ATAD2B: variants seen among roughly 807,000 people sequenced by gnomAD.
ATAD2B encodes the protein ATPase family AAA domain-containing protein 2B.
A neutral mutation model predicts 167.6 loss-of-function variants in ATAD2B; 40 were observed. The ratio of observed to expected loss-of-function variants is 0.24; its 90% CI spans 0.19 to 0.31. The LOEUF is 0.31. Ranked by LOEUF, ATAD2B falls within the 10% of genes least tolerant of loss-of-function variation. The pLI is 1.00. For synonymous variants in ATAD2B, 579 were observed against 596.5 expected, an observed-to-expected ratio of 0.97 and a Z score of 0.43; for missense variants, 1,242 against 1,757.2, an observed-to-expected ratio of 0.71 and a Z score of 5.24.
chr2:23,912,316 G>A (rs994653840), intron 1 of ATAD2B, among the ~76,000 whole-genome samples: 1 of 152,048 alleles, frequency 6.6e-6, no homozygotes, highest in Non-Finnish European at 1.5e-5. Flanking sequence ...GGGCAACAAA[G>A]GGAGATAACA....
chr2:23,808,886 T>C (rs1685080950), intron 18 of ATAD2B: 1 of 152,186 alleles, frequency 6.6e-6, no homozygotes, highest in Admixed American at 6.5e-5. Context: ...GATGTGATAT[T>C]GTTGATTTTG....
chr2:23,862,896 T>C (rs1694628355), intron 12 of ATAD2B, among the ~76,000 whole-genome samples: 1 of 152,176 alleles, frequency 6.6e-6, no homozygotes, highest in Non-Finnish European at 1.5e-5. Flanking sequence ...TCAATAAATG[T>C]TTTATGAGCC....
At chr2:23,835,769 C>A (rs1475879832) in intron 13 of ATAD2B, among the ~76,000 whole-genome samples, 1 of 152,090 alleles carries the variant, frequency 6.6e-6, no homozygotes, top group Non-Finnish European at 1.5e-5. Context: ...AACCTCATCT[C>A]TACTAAAAAT....
intron 18 of ATAD2B, among the ~76,000 whole-genome samples, chr2:23,808,273 G>A (rs900954884): frequency 2.7e-4 from 39 of 146,996 alleles, no homozygotes; most frequent in African/African-American, 9.8e-4. Context: ...CATGAGACTA[G>A]CCCAGCTCTG....
chr2:23,785,828 T>A, intron 21 of ATAD2B, 199 bp downstream of exon 21: 2 of 482,330 alleles, frequency 4.1e-6, no homozygotes, highest in Non-Finnish European at 7.2e-6. Flanking sequence ...GAGGCCAATA[T>A]AAATTGGTCG....
the ATAD2B span, among the ~76,000 whole-genome samples, chr2:23,718,678 T>C: frequency 1.3e-5 from 2 of 152,208 alleles, no homozygotes; most frequent in Admixed American, 6.5e-5. Context: ...AACAAATTTA[T>C]TATCTTATGA....
At chr2:23,910,877 T>C (rs867336094) in intron 1 of ATAD2B, among the ~76,000 whole-genome samples, 1 of 139,566 alleles carries the variant, frequency 7.2e-6, no homozygotes, top group Non-Finnish European at 1.6e-5. Context: ...CAAAAAAATA[T>C]ATAGGGTAAG....
At position 23,926,559 on chromosome 2, in the gene ATAD2B, G is replaced by A; in HGVS notation, c.212C>T (p.Ala71Val). 1 of 1,550,156 alleles carries A rather than the reference G, an allele frequency of 6.5e-7. No individual in the cohort carries two copies. The highest frequency in any genetic ancestry group is 2.4e-5 in the East Asian group (1 of 41,270). Residue 71 changes from alanine (A) to valine (V), a missense_variant, in exon 1 of 28, where the codon GCC becomes GTC. This residue lies in a region of ATAD2B where 199 missense variants were observed against 194.9 expected (regional missense o/e 1.02). Coordinates refer to ENST00000238789, the MANE Select transcript of ATAD2B (RefSeq NM_017552.4). ...CTCGGGACGCCGCGCTCTTACCCTG[G>A]CCTCATCCAGAGTGACGCCGGCGCC... ...SGGAGVTLDE[A>V]RKVEVDGSLS...
At chr2:23,819,480 G>A (rs1343659686) in intron 17 of ATAD2B, among the ~76,000 whole-genome samples, 7 of 137,738 alleles carry the variant, frequency 5.1e-5, no homozygotes, top group Admixed American at 1.5e-4. Flanking sequence ...GACAGAGTGA[G>A]ACTCTGCCTC....
intron 19 of ATAD2B, among the ~76,000 whole-genome samples, chr2:23,792,323 A>G (rs1003447689): frequency 6.6e-6 from 1 of 152,120 alleles, no homozygotes; most frequent in African/African-American, 2.4e-5. Flanking sequence ...CTGGGATTAC[A>G]GGCATGAGCT....
At chr2:23,891,084 G>C (rs575303000) in intron 2 of ATAD2B, among the ~76,000 whole-genome samples, 2 of 149,074 alleles carry the variant, frequency 1.3e-5, no homozygotes, top group South Asian at 4.2e-4. Flanking sequence ...GCAGTGGTGC[G>C]ATCTTGGCTC....
intron 23 of ATAD2B, 129 bp from the exon 24 acceptor site, chr2:23,762,475 C>G (rs1361456374): frequency 2.5e-6 from 2 of 799,094 alleles, no homozygotes; most frequent in Non-Finnish European, 3.6e-6. Context: ...GTTTGCAGTT[C>G]CAATGAAAGC....
chr2:23,709,247 G>C, the ATAD2B span, among the ~76,000 whole-genome samples: 1 of 152,064 alleles, frequency 6.6e-6, no homozygotes, highest in Non-Finnish European at 1.5e-5. Context: ...TTTCCATGTT[G>C]GTCAGGGTGG....
chr2:23,876,028 T>TCTAA, intron 7 of ATAD2B, 124 bp from the exon 8 acceptor site: 3 of 712,226 alleles, frequency 4.2e-6, no homozygotes, highest in South Asian at 1.8e-5. Flanking sequence ...AGAGTCTTGC[T>TCTAA]CTAACGCCAG....
At chr2:23,686,278 G>A in the ATAD2B span, among the ~76,000 whole-genome samples, 10 of 152,030 alleles carry the variant, frequency 6.6e-5, no homozygotes, top group Admixed American at 5.9e-4. Context: ...CCACCTGAAG[G>A]AAGGAGAACA....
rs1343026690 is a variant in ATAD2B at position 23,860,172 on chromosome 2, G to A, written c.1480-2669C>T. On this transcript the variant is annotated intron_variant, in intron 12 of 27. Transcript: ENST00000238789. ...TGGATGCTGTCTTCTGTCATGTTAT[G>A]ACACAGCAAGAAGGCACTGACCAGA... 2.6e-5 allele frequency among the ~76,000 whole-genome samples: 4 copies of A among 152,086 alleles called. No homozygotes were observed. In the East Asian group the frequency reaches 7.7e-4, roughly 29 times the overall value.
intron 20 of ATAD2B, 194 bp downstream of exon 20, chr2:23,788,318 C>T: frequency 1.7e-6 from 1 of 574,240 alleles, no homozygotes; most frequent in South Asian, 2.9e-5. Flanking sequence ...TTTAGCAAAG[C>T]TTTAACAAGG....
At chr2:23,885,902 T>C in intron 4 of ATAD2B, 73 bp from the exon 5 acceptor site, 2 of 880,936 alleles carry the variant, frequency 2.3e-6, no homozygotes, top group East Asian at 2.8e-5. Context: ...TTTGTGAAAG[T>C]GTAATCAAAT....
At chr2:23,793,829 A>T (rs759514445) in intron 19 of ATAD2B, among the ~76,000 whole-genome samples, 1 of 152,138 alleles carries the variant, frequency 6.6e-6, no homozygotes, top group Non-Finnish European at 1.5e-5. Context: ...TGGTCTCAGG[A>T]CCCCAAAAAA....
Sources: allele counts gnomAD v4.1 joint callset (sites outside exome capture counted in the v4.1 genomes callset), GRCh38; gene constraint gnomAD v4.1.1; regional missense constraint gnomAD v4.1.1; transcripts MANE v1.5; gene names NCBI Gene and HGNC (gene_info 2026-07-23, HGNC 2026-07-21).